Variants in SIRT5 observed in about 807,000 individuals in gnomAD.
The protein encoded by SIRT5 is NAD-dependent protein deacylase sirtuin-5, mitochondrial.
SIRT5 carries 26 observed loss-of-function variants against 40.0 expected under a neutral mutation model. The observed-to-expected ratio is 0.65, with a 90% CI of 0.48 to 0.90. The LOEUF (loss-of-function observed/expected upper bound fraction) is 0.90. Among genes scored for constraint, SIRT5 ranks in the 40% least tolerant of loss-of-function variants. The probability of loss-of-function intolerance (pLI) is 0.00; values close to 1 mark genes in which losing one functional copy is unlikely to be tolerated. For missense variants in SIRT5, 401 were observed against 402.4 expected, an observed-to-expected ratio of 1.00 and a Z score of 0.03; for synonymous variants, 146 against 149.1, an observed-to-expected ratio of 0.98 and a Z score of 0.15.
rs950114018 is a variant in SIRT5 at position 13,599,622 on chromosome 6, G to A, written c.741+467G>A. ...AGGAGTGAGCAAACAGCAGCCTTTG[G>A]GCCACATTGGGCCTGCTACCTGTTT... On this transcript the variant is annotated intron_variant, in intron 8 of 9. Coordinates refer to ENST00000606117, the MANE Select transcript of SIRT5 (RefSeq NM_012241.5). Among the ~76,000 whole-genome samples, 5 of 152,210 alleles carry A rather than the reference G, an allele frequency of 3.3e-5. No homozygotes were observed. In the South Asian group the frequency reaches 1.0e-3, roughly 32 times the overall value.
intron 3 of SIRT5, among the ~76,000 whole-genome samples, chr6:13,587,440 C>A (rs953547976): frequency 1.3e-5 from 2 of 152,204 alleles, no homozygotes; most frequent in Non-Finnish European, 2.9e-5. Context: ...CAGCTTCCCC[C>A]ATCATGAGTT....
In SIRT5 at chr6:13,613,353, T is replaced by C. The variant is rs1764099563; in HGVS notation, c.*1488T>C. 1.3e-5 allele frequency: 2 copies of C among 152,206 alleles called. No individual in the cohort carries two copies. The highest frequency in any genetic ancestry group is 4.1e-4 in the South Asian group (2 of 4,824). The allele number at this position is 152,206 out of a possible 1,614,324, so 9.4% of individuals were successfully genotyped here. On this transcript the variant is annotated 3_prime_UTR_variant, in exon 10 of 10. Coordinates refer to ENST00000606117, the MANE Select transcript of SIRT5 (RefSeq NM_012241.5). The stretch of plus-strand genomic sequence containing the variant: ...AGCTTTTTCCTTAACCTTTACCAGC[T>C]AACTCAGTGCTTAGGGGCCTTGGAA...
chr6:13,611,641 G>C, intron 9 of SIRT5, 149 bp from the exon 10 acceptor site: 1 of 672,048 alleles, frequency 1.5e-6, no homozygotes, highest in East Asian at 2.5e-5. Context: ...CTAGTTGAAA[G>C]AAGTGGGCAT....
At chr6:13,606,381 G>A (rs1161135289) in intron 9 of SIRT5, among the ~76,000 whole-genome samples, 1 of 152,158 alleles carries the variant, frequency 6.6e-6, no homozygotes, top group Non-Finnish European at 1.5e-5. Context: ...AGAAGTCTAA[G>A]GAATTGTTAG....
At chr6:13,601,890 C>T (rs1310672307) in intron 9 of SIRT5, among the ~76,000 whole-genome samples, 2 of 152,006 alleles carry the variant, frequency 1.3e-5, no homozygotes, top group African/African-American at 4.8e-5. Context: ...CTTCAGTAGG[C>T]CCCTCCTCAA....
chr6:13,579,133 G>T (rs998932649), intron 1 of SIRT5, among the ~76,000 whole-genome samples: 7 of 152,108 alleles, frequency 4.6e-5, no homozygotes, highest in Non-Finnish European at 1.0e-4. Context: ...ACCACTGCCT[G>T]CCCTGACACC....
intron 8 of SIRT5, 124 bp from the exon 9 acceptor site, chr6:13,600,710 C>A: frequency 1.5e-6 from 1 of 645,840 alleles, no homozygotes; most frequent in African/African-American, 1.8e-5. Flanking sequence ...TTTATCCCAT[C>A]CTGTTTGGCT....
At chr6:13,596,485 CTGG>C (rs1478826736) in intron 6 of SIRT5, among the ~76,000 whole-genome samples, 3 of 152,002 alleles carry the variant, frequency 2.0e-5, no homozygotes, top group African/African-American at 7.2e-5. Context: ...AGTACAACCA[CTGG>C]TGATTTTTTT....
chr6:13,577,279 C>T (rs544541372), intron 1 of SIRT5, among the ~76,000 whole-genome samples: 9 of 152,070 alleles, frequency 5.9e-5, no homozygotes, highest in African/African-American at 1.2e-4. Flanking sequence ...TTTTCTAATC[C>T]GCGAACATGG....
chr6:13,585,220 T>C (rs1759905796), intron 3 of SIRT5: 1 of 152,080 alleles, frequency 6.6e-6, no homozygotes, highest in Non-Finnish European at 1.5e-5. Context: ...TTCTTTTACT[T>C]TTTTATTTTT....
intron 1 of SIRT5, among the ~76,000 whole-genome samples, chr6:13,578,616 C>CAAAAAAAAAAAAA (rs60663066): frequency 5.4e-5 from 2 of 36,774 alleles, no homozygotes; most frequent in Non-Finnish European, 1.2e-4. Flanking sequence ...GACTCCATCT[C>CAAAAAAAAAAAAA]AAAAAAAAAA....
intron 9 of SIRT5, chr6:13,605,602 G>T (rs1250082806): frequency 1.0e-6 from 1 of 985,270 alleles, no homozygotes; most frequent in Non-Finnish European, 1.2e-6. Flanking sequence ...TCCTCCCACA[G>T]GAATGTATTT....
rs1276630187 is a variant in SIRT5 at position 13,607,579 on chromosome 6, G to A, written c.858-4211G>A. Reference sequence around the variant, plus strand: ...GAGCAGATGTGCAGCTAACACTGTAGTCGTGGTTGTCCTACAACTGGTGGG... The same window carrying A: ...GAGCAGATGTGCAGCTAACACTGTAATCGTGGTTGTCCTACAACTGGTGGG... On this transcript the variant is annotated intron_variant, in intron 9 of 9. Transcript: ENST00000606117. This position sits in a 1 kb window ranked among gnomAD's most constrained non-coding sequence, Gnocchi z 4.0. Among the ~76,000 whole-genome samples, 1 of 152,194 alleles carries A rather than the reference G, an allele frequency of 6.6e-6. No individual in the cohort carries two copies. The highest frequency in any genetic ancestry group is 2.4e-5 in the African/African-American group (1 of 41,442).
At chr6:13,578,918 A>G (rs1758989609) in intron 1 of SIRT5, among the ~76,000 whole-genome samples, 1 of 152,162 alleles carries the variant, frequency 6.6e-6, no homozygotes, top group Non-Finnish European at 1.5e-5. Flanking sequence ...CTAGCACCCA[A>G]AAAGCTCCCA....
At chr6:13,602,740 T>A (rs937218782) in intron 9 of SIRT5, among the ~76,000 whole-genome samples, 4 of 152,174 alleles carry the variant, frequency 2.6e-5, no homozygotes, top group Non-Finnish European at 5.9e-5. Context: ...TGCAAAAGAA[T>A]AAGCTTGGAC....
Position 13,588,597 on chromosome 6 carries a change from T to G in SIRT5, c.249+133T>G, listed in dbSNP as rs368121840. 21 of 1,155,638 alleles carry G rather than the reference T, an allele frequency of 1.8e-5. No homozygotes were observed. The African/African-American group carries it at 2.0e-4, about 11-fold the overall frequency. The allele number at this position is 1,155,638 out of a possible 1,614,324, so 71.6% of individuals were successfully genotyped here. A position where few individuals can be genotyped will look rare whatever the true frequency, so the allele number is the denominator to read the frequency against. On this transcript the variant is annotated intron_variant, in intron 4 of 9. Transcript: ENST00000606117. ...GTGAACTGTGACCCTATTGTCTCAT[T>G]GATTTTGGCATAAACACAAAGTTTC...
chr6:13,599,982 T>C (rs1316613658), intron 8 of SIRT5, among the ~76,000 whole-genome samples: 1 of 152,242 alleles, frequency 6.6e-6, no homozygotes, highest in Non-Finnish European at 1.5e-5. Flanking sequence ...ATTGACTGTA[T>C]GGTGTTATAT....
intron 3 of SIRT5, among the ~76,000 whole-genome samples, chr6:13,587,395 C>G (rs1760222214): frequency 6.6e-6 from 1 of 152,192 alleles, no homozygotes; most frequent in Admixed American, 6.5e-5. Context: ...GCTGACCTCC[C>G]TTTCCCAGTT....
chr6:13,583,845 TCTGCAC>T (rs1404314080), intron 2 of SIRT5, among the ~76,000 whole-genome samples: 1 of 152,148 alleles, frequency 6.6e-6, no homozygotes, highest in Non-Finnish European at 1.5e-5. Flanking sequence ...CCAAGGCACC[TCTGCAC>T]CTCTAGGAGC....
Sources: allele counts gnomAD v4.1 joint callset (sites outside exome capture counted in the v4.1 genomes callset), GRCh38; gene constraint gnomAD v4.1.1; non-coding constraint Gnocchi (gnomAD v3.1); transcripts MANE v1.5; gene names NCBI Gene and HGNC (gene_info 2026-07-23, HGNC 2026-07-21).